The following CEP63 variants were observed in gnomAD, a reference collection of about 807,000 sequenced individuals.
CEP63 encodes the protein centrosomal protein 63.
In CEP63, 84 loss-of-function variants were observed where a neutral mutation model predicts 89.1. The ratio of observed to expected loss-of-function variants is 0.94; its 90% confidence interval spans 0.79 to 1.13. The LOEUF (loss-of-function observed/expected upper bound fraction) is 1.13, where lower values mean the gene tolerates loss of function less well. CEP63 is among the 50% of genes most tolerant of loss of function. The pLI, the probability that CEP63 is intolerant of heterozygous loss-of-function variation, is 0.00. For missense variants in CEP63, 838 were observed against 813.3 expected, an observed-to-expected ratio of 1.03 and a Z score of -0.37; for synonymous variants, 267 against 272.5, an observed-to-expected ratio of 0.98 and a Z score of 0.20.
At chr3:134,743,357 G>T in the CEP63 span, among the ~76,000 whole-genome samples, 6 of 152,138 alleles carry the variant, frequency 3.9e-5, no homozygotes, top group African/African-American at 1.4e-4. Context: ...AAAAATACAT[G>T]GTCATAATTA....
the CEP63 span, among the ~76,000 whole-genome samples, chr3:134,695,668 G>A: frequency 2.0e-5 from 3 of 152,178 alleles, no homozygotes; most frequent in Non-Finnish European, 2.9e-5. Context: ...AGAGAAAGGC[G>A]TAATGGCTGG....
the CEP63 span, among the ~76,000 whole-genome samples, chr3:134,686,606 C>T: frequency 6.6e-5 from 10 of 152,210 alleles, no homozygotes; most frequent in African/African-American, 2.2e-4. Flanking sequence ...CTTGACTCAT[C>T]CCCAAGTCAG....
At chr3:134,701,940 A>G in the CEP63 span, among the ~76,000 whole-genome samples, 1 of 152,160 alleles carries the variant, frequency 6.6e-6, no homozygotes, top group Non-Finnish European at 1.5e-5. Context: ...AAAACAAGCT[A>G]CTGAATCTGG....
the CEP63 span, among the ~76,000 whole-genome samples, chr3:134,663,703 C>T: frequency 1.1e-5 from 1 of 94,982 alleles, no homozygotes; most frequent in Admixed American, 1.3e-4. Context: ...CATGCGGGGC[C>T]CCAGAGGGGC....
At chr3:134,565,795 T>C (rs1305263192), downstream of CEP63, among the ~76,000 whole-genome samples, 1 of 151,452 alleles carries the variant, frequency 6.6e-6, no homozygotes, top group Non-Finnish European at 1.5e-5. Context: ...AAAAAAATCA[T>C]AGACTTAAGA....
chr3:134,586,224 A>G lies in CEP63; in HGVS notation c.1207-1234A>G, dbSNP rs540779889. On this transcript the variant is annotated intron_variant, in intron 10 of 10. Transcript: ENST00000683931. Reference sequence around the variant, plus strand: ...GTTAATATTGTTATGTGTGAATTTGATCTTGTCATTATAATGTTAGCTGGT... The same window carrying G: ...GTTAATATTGTTATGTGTGAATTTGGTCTTGTCATTATAATGTTAGCTGGT... 5.9e-5 allele frequency among the ~76,000 whole-genome samples: 9 copies of G among 152,240 alleles called. No individual in the cohort carries two copies. The East Asian group carries it at 1.7e-3, about 29-fold the overall frequency.
chr3:134,722,562 C>A, the CEP63 span, among the ~76,000 whole-genome samples: 18 of 152,006 alleles, frequency 1.2e-4, no homozygotes, highest in Middle Eastern at 3.4e-3. Flanking sequence ...CATTTCCATT[C>A]TAATTTTTAT....
At chr3:134,721,451 C>G in the CEP63 span, among the ~76,000 whole-genome samples, 4 of 152,046 alleles carry the variant, frequency 2.6e-5, no homozygotes, top group South Asian at 4.1e-4. Flanking sequence ...AATCTTGATG[C>G]CTTTTTTTCT....
At chr3:134,707,762 A>G in the CEP63 span, among the ~76,000 whole-genome samples, 51 of 74,220 alleles carry the variant, frequency 6.9e-4, 1 homozygote, top group African/African-American at 1.9e-3. Context: ...TTTTTGGAGA[A>G]CACAATTAAT....
At chr3:134,555,763 G>A (rs1444764481) in intron 12 of CEP63, among the ~76,000 whole-genome samples, 1 of 150,526 alleles carries the variant, frequency 6.6e-6, no homozygotes. Context: ...CACAGAATTG[G>A]AAAAAACTAC....
Position 134,559,233 on chromosome 3 carries a change from C to T in CEP63, c.1757C>T (p.Ser586Leu), listed in dbSNP as rs765783970. 9.3e-6 allele frequency: 15 copies of T among 1,614,046 alleles called. No individual in the cohort carries two copies. The highest frequency in any genetic ancestry group is 3.3e-5 in the South Asian group (3 of 91,082). Residue 586 changes from serine (S) to leucine (L), a missense_variant, in exon 14 of 15, where the codon TCG becomes TTG. By Grantham distance (145) the Ser-to-Leu change is moderately radical (BLOSUM62 -2). Transcript: ENST00000675561. ...TDLHSPRGQASDSINPMSRVL... is the reference protein window; with the variant it reads ...TDLHSPRGQALDSINPMSRVL... Reference sequence around the variant, plus strand: ...CTTCATTCTCCAAGAGGACAAGCGTCGGATAGTATAAACCCCATGTCTAGG... The same window carrying T: ...CTTCATTCTCCAAGAGGACAAGCGTTGGATAGTATAAACCCCATGTCTAGG...
the CEP63 span, among the ~76,000 whole-genome samples, chr3:134,665,652 GACACACACACAC>G: frequency 0.023 from 2,225 of 95,708 alleles, 61 homozygotes; most frequent in African/African-American, 0.065. Flanking sequence ...GGAAACAGAG[GACACACACACAC>G]ACACACACAC....
the CEP63 span, among the ~76,000 whole-genome samples, chr3:134,635,631 G>C: frequency 6.6e-6 from 1 of 151,862 alleles, no homozygotes; most frequent in Non-Finnish European, 1.5e-5. Flanking sequence ...GTGTATTCTG[G>C]ATATTCTGAT....
the CEP63 span, among the ~76,000 whole-genome samples, chr3:134,614,319 C>T: frequency 0.35 from 52,478 of 151,868 alleles, 9,455 homozygotes; most frequent in African/African-American, 0.37. Context: ...GCAGAATCTT[C>T]GCTTCTACTT....
At chr3:134,753,414 G>A in the CEP63 span, among the ~76,000 whole-genome samples, 8 of 152,292 alleles carry the variant, frequency 5.3e-5, no homozygotes, top group Admixed American at 4.6e-4. Flanking sequence ...GTGCACAAAT[G>A]CCATCCCTCT....
chr3:134,503,584 G>C (rs944603214), intron 2 of CEP63, among the ~76,000 whole-genome samples: 1 of 152,056 alleles, frequency 6.6e-6, no homozygotes, highest in African/African-American at 2.4e-5. Context: ...TAAATCACTT[G>C]TCCAGTGCTC....
At position 134,558,111 on chromosome 3, in the gene CEP63, A is replaced by AT. The variant is rs781630699; in HGVS notation, c.1468-29dup. 2.6e-5 allele frequency: 40 copies of AT among 1,557,778 alleles called. No homozygotes were observed. The East Asian group carries it at 9.0e-4, about 35-fold the overall frequency. On this transcript the variant is annotated intron_variant, in intron 12 of 14. Coordinates refer to ENST00000675561, the MANE Select transcript of CEP63 (RefSeq NM_001353108.3). ...ACAGATCACAGGTATTCTTGTACAG[A>AT]TTAAGTGACTCTAGTATTCTTTTTT...
chr3:134,698,627 C>T, the CEP63 span, among the ~76,000 whole-genome samples: 1 of 152,184 alleles, frequency 6.6e-6, no homozygotes, highest in Non-Finnish European at 1.5e-5. Context: ...GCCTCACGCT[C>T]TGGAGAATAG....
the CEP63 span, among the ~76,000 whole-genome samples, chr3:134,640,584 G>T: frequency 4.6e-5 from 7 of 152,254 alleles, no homozygotes; most frequent in East Asian, 9.7e-4. Flanking sequence ...GCAGAACAGA[G>T]CCCAAAGGTT....
Sources: allele counts gnomAD v4.1 joint callset (sites outside exome capture counted in the v4.1 genomes callset), GRCh38; gene constraint gnomAD v4.1.1; transcripts MANE v1.5; gene names NCBI Gene and HGNC (gene_info 2026-07-23, HGNC 2026-07-21).